HTR2A: variants seen among roughly 807,000 people sequenced by gnomAD.
HTR2A encodes the protein 5-HT2 receptor.
HTR2A carries 14 observed loss-of-function variants against 31.0 expected under a neutral mutation model. That is an observed-to-expected ratio of 0.45 (90% CI 0.30 to 0.71). The LOEUF (loss-of-function observed/expected upper bound fraction) is 0.71, where lower values mean the gene tolerates loss of function less well. HTR2A is among the 30% of genes least tolerant of loss of function. HTR2A has a pLI of 0.09. For missense variants in HTR2A, 442 were observed against 573.3 expected (o/e 0.77, Z 2.34); for synonymous variants, 209 against 225.2 (o/e 0.93, Z 0.64).
intron 3 of HTR2A, among the ~76,000 whole-genome samples, chr13:46,891,414 A>G (rs1354740250): frequency 6.6e-6 from 1 of 152,250 alleles, no homozygotes; most frequent in Non-Finnish European, 1.5e-5. Context: ...TTCAAATTGC[A>G]TAATAGTTCC....
intron 3 of HTR2A, among the ~76,000 whole-genome samples, chr13:46,838,869 C>A (rs992464195): frequency 6.6e-6 from 1 of 152,020 alleles, no homozygotes; most frequent in East Asian, 1.9e-4. Context: ...TTGCTTATAA[C>A]CTAGTAATGT....
At chr13:46,865,754 C>T (rs1950814004) in intron 3 of HTR2A, among the ~76,000 whole-genome samples, 1 of 152,194 alleles carries the variant, frequency 6.6e-6, no homozygotes, top group African/African-American at 2.4e-5. Context: ...TATTGGACAA[C>T]ACAGAACTAT....
intron 3 of HTR2A, among the ~76,000 whole-genome samples, chr13:46,843,954 A>AT (rs1035848651): frequency 1.3e-5 from 2 of 152,062 alleles, no homozygotes; most frequent in African/African-American, 4.8e-5. Context: ...ACACCCTACA[A>AT]TTTTTTTCAA....
chr13:46,863,650 GAAAA>G (rs1186874509), intron 3 of HTR2A, among the ~76,000 whole-genome samples: 5 of 51,896 alleles, frequency 9.6e-5, no homozygotes, highest in Non-Finnish European at 1.9e-4. Flanking sequence ...AAAAAAAAAA[GAAAA>G]AAAAAAAAGA....
chr13:46,883,009 G>T (rs1950978277), intron 3 of HTR2A, among the ~76,000 whole-genome samples: 1 of 152,186 alleles, frequency 6.6e-6, no homozygotes, highest in African/African-American at 2.4e-5. Context: ...GACAGAGCCA[G>T]TATTCAAATC....
chr13:46,856,593 T>A (rs761526175), intron 3 of HTR2A, among the ~76,000 whole-genome samples: 1 of 148,514 alleles, frequency 6.7e-6, no homozygotes, highest in Non-Finnish European at 1.5e-5. Flanking sequence ...ACTCTCTTAG[T>A]TAAAAAAAAA....
chr13:46,884,024 C>T, intron 3 of HTR2A, among the ~76,000 whole-genome samples: 1 of 152,204 alleles, frequency 6.6e-6, no homozygotes, highest in East Asian at 1.9e-4. Context: ...GATGTGGTTA[C>T]CGAGGTGAAA....
At chr13:46,851,034 T>G (rs184263533) in intron 3 of HTR2A, among the ~76,000 whole-genome samples, 24 of 152,014 alleles carry the variant, frequency 1.6e-4, no homozygotes, top group Admixed American at 1.3e-3. Context: ...TGAAAAGGAG[T>G]GCAAAAGTTC....
chr13:46,887,380 G>A (rs1053730493), intron 3 of HTR2A, among the ~76,000 whole-genome samples: 8 of 137,220 alleles, frequency 5.8e-5, no homozygotes, highest in Admixed American at 2.4e-4. Context: ...CCGAGATCGC[G>A]CCACTGCACT....
chr13:46,856,673 T>C (rs1225835312), intron 3 of HTR2A, among the ~76,000 whole-genome samples: 1 of 152,228 alleles, frequency 6.6e-6, no homozygotes, highest in Non-Finnish European at 1.5e-5. Context: ...ATGTATGTAC[T>C]TCTATCCTGG....
intron 3 of HTR2A, among the ~76,000 whole-genome samples, chr13:46,887,708 A>G (rs1168634285): frequency 6.6e-6 from 1 of 152,226 alleles, no homozygotes; most frequent in Non-Finnish European, 1.5e-5. Flanking sequence ...AAAACAAGAG[A>G]TGGGTCTTAG....
intron 3 of HTR2A, among the ~76,000 whole-genome samples, chr13:46,888,181 G>C (rs1414566998): frequency 6.6e-6 from 1 of 152,150 alleles, no homozygotes; most frequent in Non-Finnish European, 1.5e-5. Context: ...GGAAGAGAGA[G>C]AATGGGGCAG....
At chr13:46,839,597 G>A (rs1203271819) in intron 3 of HTR2A, among the ~76,000 whole-genome samples, 2 of 152,156 alleles carry the variant, frequency 1.3e-5, no homozygotes, top group African/African-American at 4.8e-5. Flanking sequence ...GAACAAAACA[G>A]ACAGTAACCT....
chr13:46,869,743 T>C (rs960441062), intron 3 of HTR2A, among the ~76,000 whole-genome samples: 3 of 152,052 alleles, frequency 2.0e-5, no homozygotes, highest in African/African-American at 4.8e-5. Context: ...GAAAATGAAG[T>C]TCTGATATGT....
At chr13:46,837,126 G>A (rs1431553850) in intron 3 of HTR2A, among the ~76,000 whole-genome samples, 2 of 152,290 alleles carry the variant, frequency 1.3e-5, no homozygotes, top group Middle Eastern at 3.4e-3. Flanking sequence ...AAGCAGAAGT[G>A]AATAAAGGCA....
chr13:46,847,034 A>G (rs553103346), intron 3 of HTR2A, among the ~76,000 whole-genome samples: 2 of 152,350 alleles, frequency 1.3e-5, no homozygotes, highest in East Asian at 3.9e-4. Flanking sequence ...TTTTGCCAGC[A>G]TGCTGCTCTT....
At chr13:46,896,536 A>C in intron 1 of HTR2A, 138 bp downstream of exon 1, 1 of 730,462 alleles carries the variant, frequency 1.4e-6, no homozygotes. Flanking sequence ...AAGGAAAACA[A>C]AAAAGTCTTA....
In HTR2A at chr13:46,835,592, C is replaced by A. The variant is rs138155943; in HGVS notation, c.661G>T (p.Val221Phe). The change falls in exon 4 of 4, where the codon GTC (valine) becomes TTC (phenylalanine). Residue 221 changes from valine to phenylalanine, a missense_variant. Physicochemically the swap from Val to Phe is conservative, Grantham distance 50. This residue lies in a region of HTR2A where 174 missense variants were observed against 195.1 expected (regional missense o/e 0.89). Coordinates refer to ENST00000542664, the MANE Select transcript of HTR2A (RefSeq NM_000621.5). ...PVFGLQDDSK[V>F]FKEGSCLLAD... ...AGTAAGCAACTCCCCTCCTTAAAGA[C>A]CTTCGAATCGTCCTGTAGCCCAAAG... The A allele has an allele frequency of 5.0e-6, 8 of 1,613,818 alleles. No homozygotes were observed. The highest frequency in any genetic ancestry group is 3.3e-5 in the South Asian group (3 of 91,066).
chr13:46,836,863 AT>A (rs1315600663), intron 3 of HTR2A, among the ~76,000 whole-genome samples: 1 of 152,186 alleles, frequency 6.6e-6, no homozygotes, highest in African/African-American at 2.4e-5. Flanking sequence ...TATTTCCTTA[AT>A]ATTAAATGTA....
Sources: gnomAD v4.1 joint callset for allele counts (sites outside exome capture counted in the v4.1 genomes callset) on GRCh38, gnomAD v4.1.1 for gene constraint, gnomAD v4.1.1 regional missense constraint, MANE v1.5 for transcripts, NCBI Gene and HGNC (gene_info 2026-07-23, HGNC 2026-07-21) for gene names.